The following DGKI variants were observed in gnomAD, a reference collection of about 807,000 sequenced individuals.
DGKI encodes the protein diacylglycerol kinase iota.
In DGKI, 55 loss-of-function variants were observed where a neutral mutation model predicts 147.5. The observed-to-expected ratio is 0.37, with a 90% CI of 0.30 to 0.47. The LOEUF is 0.47. DGKI is among the 20% of genes least tolerant of loss of function. DGKI has a pLI of 1.00. For synonymous variants in DGKI, 469 were observed against 477.1 expected, an observed-to-expected ratio of 0.98 and a Z score of 0.22; for missense variants, 1,007 against 1,323.8, an observed-to-expected ratio of 0.76 and a Z score of 3.71.
Position 137,552,752 on chromosome 7 carries a change from T to TCCAAAAAA in DGKI, c.1948-185_1948-184insTTTTTTGG, listed in dbSNP as rs777780004. Among the ~76,000 whole-genome samples the TCCAAAAAA allele has an allele frequency of 9.1e-5, 11 of 121,284 alleles. 1 individual carries two copies. The highest frequency in any genetic ancestry group is 3.0e-4 in the African/African-American group (10 of 33,106). The allele number at this position is 121,284 out of a possible 152,430, so 79.6% of individuals were successfully genotyped here. On this transcript the variant is annotated intron_variant, in intron 19 of 32. Coordinates refer to ENST00000614521, the MANE Select transcript of DGKI (RefSeq NM_001321708.2). ...GGCGAGACCCGGTCTCTACTAAAAA[T>TCCAAAAAA]ACAAAAAAAAAAAAAAGCTGGGCAT...
chr7:137,403,119 C>T (rs1369683610), intron 30 of DGKI, among the ~76,000 whole-genome samples: 3 of 152,006 alleles, frequency 2.0e-5, no homozygotes, highest in Non-Finnish European at 4.4e-5. Context: ...TTGAAAGGAG[C>T]TGAAAAGCGG....
rs1400901460 is a variant in DGKI at position 137,846,159 on chromosome 7, TCTCACACA to T, written c.401+295_401+302del. On this transcript the variant is annotated intron_variant, in intron 1 of 32. Transcript: ENST00000614521. This position sits in a 1 kb window ranked among gnomAD's most constrained non-coding sequence, Gnocchi z 4.0. ...TTCTCTCTCTCTCTCTCTCTCTCTC[TCTCACACA>T]CACACACACACACACACACACACAC... is the stretch of plus-strand genomic sequence containing the variant. Among the ~76,000 whole-genome samples, 19 of 130,132 alleles carry T rather than the reference TCTCACACA, an allele frequency of 1.5e-4. No individual in the cohort carries two copies. The highest frequency in any genetic ancestry group is 3.7e-4 in the African/African-American group (12 of 32,354). 85.4% of individuals were successfully genotyped at this position (130,132 alleles called of 152,430 possible).
At chr7:137,554,700 G>A (rs1818161999) in intron 19 of DGKI, among the ~76,000 whole-genome samples, 1 of 151,898 alleles carries the variant, frequency 6.6e-6, no homozygotes, top group African/African-American at 2.4e-5. Flanking sequence ...TGGGTTGGGG[G>A]AGGGGTGAAG....
At chr7:137,652,864 G>A (rs778305671) in intron 5 of DGKI, among the ~76,000 whole-genome samples, 3 of 151,934 alleles carry the variant, frequency 2.0e-5, no homozygotes, top group Non-Finnish European at 2.9e-5. Flanking sequence ...CACTCTCCAC[G>A]TTCATCTATT....
intron 24 of DGKI, among the ~76,000 whole-genome samples, chr7:137,467,390 A>C (rs1382939815): frequency 6.6e-6 from 1 of 152,238 alleles, no homozygotes; most frequent in Non-Finnish European, 1.5e-5. Context: ...AAATTAGCAA[A>C]TGATCTTAAA....
At chr7:137,629,485 C>A (rs1008423373) in intron 6 of DGKI, among the ~76,000 whole-genome samples, 4 of 152,194 alleles carry the variant, frequency 2.6e-5, no homozygotes, top group Non-Finnish European at 5.9e-5. Flanking sequence ...TGCTTCCAAC[C>A]CTCCGAAGTT....
chr7:137,543,497 C>T (rs1317771040), intron 20 of DGKI, among the ~76,000 whole-genome samples: 1 of 152,016 alleles, frequency 6.6e-6, no homozygotes, highest in South Asian at 2.1e-4. Context: ...TGCATTGTTA[C>T]CACCATGTAC....
intron 30 of DGKI, among the ~76,000 whole-genome samples, chr7:137,407,291 C>A (rs180892946): frequency 3.3e-4 from 50 of 152,300 alleles, no homozygotes; most frequent in African/African-American, 1.0e-3. Context: ...TTCCTGCAAA[C>A]GATCTGGCAC....
intron 4 of DGKI, among the ~76,000 whole-genome samples, chr7:137,656,030 C>G (rs148793767): frequency 6.6e-6 from 1 of 152,218 alleles, no homozygotes; most frequent in East Asian, 1.9e-4. Flanking sequence ...CGGCTTCCAG[C>G]GTGGCTCGCT....
chr7:137,527,131 T>C (rs1278741628), intron 20 of DGKI, among the ~76,000 whole-genome samples: 4 of 152,194 alleles, frequency 2.6e-5, no homozygotes, highest in Admixed American at 6.6e-5. Context: ...CTTTAAACCA[T>C]TTTGTGATCT....
At chr7:137,490,855 C>T (rs1815738137) in intron 21 of DGKI, among the ~76,000 whole-genome samples, 1 of 152,124 alleles carries the variant, frequency 6.6e-6, no homozygotes, top group African/African-American at 2.4e-5. Flanking sequence ...TCAACCTTCA[C>T]AATGGAACTT....
chr7:137,549,957 G>A (rs834053), intron 20 of DGKI, among the ~76,000 whole-genome samples: 140,612 of 152,312 alleles, frequency 0.92, 65,050 homozygotes, highest in Admixed American at 0.95. Context: ...TTCTCAAAAT[G>A]TAGTGTTGAA....
At chr7:137,395,488 G>A (rs550658260) in intron 32 of DGKI, 110 bp downstream of exon 32, 2 of 970,312 alleles carry the variant, frequency 2.1e-6, no homozygotes, top group Non-Finnish European at 3.2e-6. Context: ...CAAAGCCCCA[G>A]GCACTTCCAT....
intron 1 of DGKI, among the ~76,000 whole-genome samples, chr7:137,765,342 T>G (rs1731227460): frequency 6.6e-6 from 1 of 152,232 alleles, no homozygotes; most frequent in Admixed American, 6.5e-5. Flanking sequence ...CTTTGAAATG[T>G]CATTGTGTTA....
intron 1 of DGKI, among the ~76,000 whole-genome samples, chr7:137,803,803 G>A (rs1797283729): frequency 1.3e-5 from 2 of 152,124 alleles, no homozygotes; most frequent in Admixed American, 6.5e-5. Context: ...AGCTTTAAAC[G>A]GACATTGGAA....
intron 6 of DGKI, among the ~76,000 whole-genome samples, chr7:137,643,973 A>G (rs746623507): frequency 2.6e-5 from 4 of 152,170 alleles, no homozygotes; most frequent in Non-Finnish European, 5.9e-5. Flanking sequence ...AAAAATGGCT[A>G]TGCCTGCCCG....
At chr7:137,447,433 A>T (rs955885562) in intron 27 of DGKI, among the ~76,000 whole-genome samples, 1 of 152,214 alleles carries the variant, frequency 6.6e-6, no homozygotes. Flanking sequence ...GAACAGGGAG[A>T]TTGATTCAGT....
At chr7:137,620,089 C>T in intron 7 of DGKI, 149 bp from the exon 8 acceptor site, 2 of 626,980 alleles carry the variant, frequency 3.2e-6, no homozygotes, top group Non-Finnish European at 5.7e-6. Flanking sequence ...TGCATGCACA[C>T]ATGCACACAT....
rs1457799902 is a variant in DGKI at position 137,385,963 on chromosome 7, T to C, written c.*5257A>G. 2.0e-5 allele frequency: 3 copies of C among 152,122 alleles called. No homozygotes were observed. The highest frequency in any genetic ancestry group is 7.2e-5 in the African/African-American group (3 of 41,442). 9.4% of individuals were successfully genotyped at this position (152,122 alleles called of 1,614,324 possible). On this transcript the variant is annotated 3_prime_UTR_variant, in exon 33 of 33. Transcript: ENST00000614521. Reference sequence around the variant, plus strand: ...TACATTCATTGTTATATCCTTAGTATGATGCCTGCCTCAGAGTGACAAATA... The same window carrying C: ...TACATTCATTGTTATATCCTTAGTACGATGCCTGCCTCAGAGTGACAAATA...
Sources: allele counts gnomAD v4.1 joint callset (sites outside exome capture counted in the v4.1 genomes callset), GRCh38; gene constraint gnomAD v4.1.1; non-coding constraint Gnocchi (gnomAD v3.1); transcripts MANE v1.5; gene names NCBI Gene and HGNC (gene_info 2026-07-23, HGNC 2026-07-21).